The following DIDO1 variants were observed in gnomAD, a reference collection of about 807,000 sequenced individuals.
The protein encoded by DIDO1 is death-inducer obliterator 1.
DIDO1 carries 16 observed loss-of-function variants against 99.4 expected under a neutral mutation model. The observed-to-expected ratio is 0.16, with a 90% CI of 0.11 to 0.24. The LOEUF is 0.24. Among genes scored for constraint, DIDO1 ranks in the 10% least tolerant of loss-of-function variants. The pLI, the probability that DIDO1 is intolerant of heterozygous loss-of-function variation, is 1.00. For missense variants in DIDO1, 2,996 were observed against 3,014.0 expected (o/e 0.99, Z 0.14); for synonymous variants, 1,366 against 1,239.1 (o/e 1.10, Z -2.15).
At chr20:62,929,973 C>A (rs752358107), upstream of DIDO1, among the ~76,000 whole-genome samples, 3 of 152,034 alleles carry the variant, frequency 2.0e-5, no homozygotes, top group Non-Finnish European at 2.9e-5. Context: ...GTGGTTCAAG[C>A]CTGTTCCCAG....
At chr20:62,934,773 G>T (rs2065365275) in intron 1 of DIDO1, among the ~76,000 whole-genome samples, 1 of 152,122 alleles carries the variant, frequency 6.6e-6, no homozygotes, top group African/African-American at 2.4e-5. Flanking sequence ...CCTTCACCCT[G>T]GACTTCCCTG....
At chr20:62,890,701 G>A (rs189401129) in intron 15 of DIDO1, 2 of 1,335,378 alleles carry the variant, frequency 1.5e-6, no homozygotes, top group African/African-American at 3.0e-5. Flanking sequence ...CTGAGGCCAA[G>A]ATGAGCTGGT....
chr20:62,898,283 C>T (rs1054307827), intron 6 of DIDO1, among the ~76,000 whole-genome samples: 2 of 152,242 alleles, frequency 1.3e-5, no homozygotes, highest in African/African-American at 4.8e-5. Context: ...CCCGCATGTG[C>T]TGCCAGGCTT....
chr20:62,918,219 C>A (rs2065073170), intron 1 of DIDO1, among the ~76,000 whole-genome samples: 1 of 152,234 alleles, frequency 6.6e-6, no homozygotes, highest in Admixed American at 6.5e-5. Flanking sequence ...GCAACTATTA[C>A]AATGCATGGG....
At chr20:62,915,954 G>A (rs978435653) in intron 1 of DIDO1, among the ~76,000 whole-genome samples, 2 of 152,148 alleles carry the variant, frequency 1.3e-5, no homozygotes, top group Non-Finnish European at 2.9e-5. Context: ...AGAATTCAAT[G>A]AAGGATATAC....
chr20:62,896,115 G>T lies in DIDO1; in HGVS notation c.2214+118C>A, dbSNP rs1370693575. The T allele has an allele frequency of 8.8e-7, 1 of 1,139,918 alleles. No individual in the cohort carries two copies. Among genetic ancestry groups the T allele is most frequent in the Non-Finnish European group, 1.2e-6 (1 of 803,114 alleles). The allele number at this position is 1,139,918 out of a possible 1,614,324, so 70.6% of individuals were successfully genotyped here. ...TGGGCGGCAGAAGGATCACAGAGGA[G>T]AAAGAAACGTCTTAGCTTTCCTGGA... is the stretch of plus-strand genomic sequence containing the variant. On this transcript the variant is annotated intron_variant, in intron 8 of 15. Transcript: ENST00000395343. The surrounding 1 kb of genome is among the most constrained non-coding windows in gnomAD (Gnocchi z 4.4).
intron 6 of DIDO1, among the ~76,000 whole-genome samples, chr20:62,900,262 A>T (rs577172894): frequency 6.6e-6 from 1 of 152,236 alleles, no homozygotes; most frequent in Non-Finnish European, 1.5e-5. Context: ...GGGCCTGCCC[A>T]GGCCACTGGC....
intron 2 of DIDO1, among the ~76,000 whole-genome samples, chr20:62,912,439 T>C (rs1366998306): frequency 6.6e-6 from 1 of 152,116 alleles, no homozygotes; most frequent in Non-Finnish European, 1.5e-5. Context: ...CTTTTTTTTT[T>C]TTTTTGAGAC....
chr20:62,923,267 C>T (rs978517337), intron 1 of DIDO1, among the ~76,000 whole-genome samples: 1 of 152,140 alleles, frequency 6.6e-6, no homozygotes, highest in African/African-American at 2.4e-5. Context: ...CCTCGACCTC[C>T]CAGGTTCAAG....
Position 62,891,358 on chromosome 20 carries a change from T to C in DIDO1, c.3346-203A>G, listed in dbSNP as rs368528792. Among the ~76,000 whole-genome samples the C allele has an allele frequency of 7.9e-5, 12 of 152,302 alleles. 1 individual carries two copies. The highest frequency in any genetic ancestry group is 3.9e-4 in the East Asian group (2 of 5,174). The stretch of plus-strand genomic sequence containing the variant: ...TGGAGCCGAGCCGGCTCTTCCTACA[T>C]GCACGACGGCCCCGGTCACGAGGAA... On this transcript the variant is annotated intron_variant, in intron 14 of 15. Transcript: ENST00000395343.
At position 62,910,766 on chromosome 20, in the gene DIDO1, T is replaced by C. The variant is rs755089343; in HGVS notation, c.839+8A>G. The C allele has an allele frequency of 8.7e-6, 14 of 1,605,746 alleles. No homozygotes were observed. Among genetic ancestry groups the C allele is most frequent in the African/African-American group, 1.3e-5 (1 of 74,512 alleles). On this transcript the variant is annotated splice_region_variant and intron_variant, in intron 3 of 15. Transcript: ENST00000395343. ...TGGGATTTCTGTGGGTGCCCACACA[T>C]GACCCACCTGTTGTTGTGAGGCTGG...
Position 62,910,820 on chromosome 20 carries a change from C to T in DIDO1, c.793G>A (p.Asp265Asn), listed in dbSNP as rs372803348. Residue 265 changes from aspartate to asparagine, a missense_variant, in exon 3 of 16, where the codon GAC (aspartate) becomes AAC (asparagine). Transcript: ENST00000395343. ...CAAATGCAATACAGGGCGTTGGGGT[C>T]GTAACCCTCACATTCAGGCTTCGGT... ...GRPKPECEGY[D>N]PNALYCICRQ... The T allele has an allele frequency of 5.0e-6, 8 of 1,614,078 alleles. No individual in the cohort carries two copies. Among genetic ancestry groups the T allele is most frequent in the African/African-American group, 1.3e-5 (1 of 74,934 alleles).
At position 62,911,918 on chromosome 20, in the gene DIDO1, T is replaced by C. The variant is rs1356073383; in HGVS notation, c.-2-304A>G. Among the ~76,000 whole-genome samples, 1 of 152,072 alleles carries C rather than the reference T, an allele frequency of 6.6e-6. No homozygotes were observed. The highest frequency in any genetic ancestry group is 1.5e-5 in the Non-Finnish European group (1 of 68,002). On this transcript the variant is annotated intron_variant, in intron 2 of 15. Transcript: ENST00000395343. The surrounding 1 kb of genome is among the most constrained non-coding windows in gnomAD (Gnocchi z 7.0). The stretch of plus-strand genomic sequence containing the variant: ...TCACAAGCCAGACAGTAGGGACAAA[T>C]AGGAAATATTGGACAGTATAGCAGG...
intron 6 of DIDO1, among the ~76,000 whole-genome samples, chr20:62,899,872 C>A (rs772641476): frequency 7.9e-5 from 12 of 152,214 alleles, no homozygotes; most frequent in Non-Finnish European, 1.6e-4. Context: ...CACACCCATT[C>A]CACTCCAGGT....
In DIDO1 at chr20:62,879,510, C is replaced by T; in HGVS notation, c.6446G>A (p.Arg2149Lys). 6.3e-7 allele frequency: 1 copy of T among 1,598,534 alleles called. No homozygotes were observed. The highest frequency in any genetic ancestry group is 8.5e-7 in the Non-Finnish European group (1 of 1,178,766). The change falls in exon 16 of 16, where the codon AGA (arginine) becomes AAA (lysine). Residue 2149 changes from arginine to lysine, a missense_variant. Transcript: ENST00000395343. This position sits in a 1 kb window ranked among gnomAD's most constrained non-coding sequence, Gnocchi z 6.3. ...RDKDSSRDWDRNRERSANRDR... is the reference protein window; with the variant it reads ...RDKDSSRDWDKNRERSANRDR... The stretch of plus-strand genomic sequence containing the variant: ...GCGGTTGGCGCTCCTCTCCCGGTTT[C>T]TGTCCCAGTCCCGGCTGGAGTCCTT...
chr20:62,894,035 G>A lies in DIDO1; in HGVS notation c.2732C>T (p.Ala911Val). 3.1e-6 allele frequency: 5 copies of A among 1,614,200 alleles called. No individual in the cohort carries two copies. The highest frequency in any genetic ancestry group is 4.2e-6 in the Non-Finnish European group (5 of 1,180,048). Residue 911 changes from alanine (A) to valine (V), a missense_variant, in exon 12 of 16, where the codon GCC becomes GTC. By Grantham distance (64) the Ala-to-Val change is moderately conservative (BLOSUM62 0). Around this residue, in one of 5 missense-constraint regions of DIDO1, gnomAD observed 898 missense variants for 972.7 expected, o/e 0.92. Transcript: ENST00000395343. This position sits in a 1 kb window ranked among gnomAD's most constrained non-coding sequence, Gnocchi z 4.4. ...AGCACTTTCTAGGCCTGGCTCAGAG[G>A]CAACTTCAGGCACAGCCTCCGGCAT... ...EVMPEAVPEV[A>V]SEPGLESASH...
intron 1 of DIDO1, among the ~76,000 whole-genome samples, chr20:62,935,870 AAAG>A (rs1245270638): frequency 6.6e-6 from 1 of 152,242 alleles, no homozygotes; most frequent in Non-Finnish European, 1.5e-5. Flanking sequence ...TCCAAAAAGC[AAAG>A]ATGATGGCTT....
rs2064175674 is a variant in DIDO1, at chr20:62,880,227, G to A, written c.5729C>T (p.Ser1910Phe). ...LKGPRGGPPP[S>F]QFGGQRGPPP... ...TGGTCCTCTCTGACCTCCAAACTGA[G>A]AGGGAGGGGGGCCGCCTCGGGGGCC... is the stretch of plus-strand genomic sequence containing the variant. The change falls in exon 16 of 16, where the codon TCT becomes TTT. Residue 1910 changes from serine to phenylalanine, a missense_variant. By Grantham distance (155) the Ser-to-Phe change is radical (BLOSUM62 -2). Transcript: ENST00000395343. 1.9e-6 allele frequency: 3 copies of A among 1,612,492 alleles called. No homozygotes were observed. The highest frequency in any genetic ancestry group is 2.2e-5 in the East Asian group (1 of 44,856).
chr20:62,883,299 CAT>C (rs1473128401), intron 15 of DIDO1, among the ~76,000 whole-genome samples: 1 of 152,148 alleles, frequency 6.6e-6, no homozygotes, highest in Admixed American at 6.5e-5. Flanking sequence ...TCAATAAAGT[CAT>C]AATAATCAAT....
Sources: allele counts gnomAD v4.1 joint callset (sites outside exome capture counted in the v4.1 genomes callset), GRCh38; gene constraint gnomAD v4.1.1; regional missense constraint gnomAD v4.1.1; non-coding constraint Gnocchi (gnomAD v3.1); transcripts MANE v1.5; gene names NCBI Gene and HGNC (gene_info 2026-07-23, HGNC 2026-07-21).